The following PPP1R12A variants were observed in gnomAD, a reference collection of about 807,000 sequenced individuals.
The protein encoded by PPP1R12A is protein phosphatase 1 regulatory subunit 12A.
A neutral mutation model predicts 139.6 loss-of-function variants in PPP1R12A; 19 were observed. The observed-to-expected ratio is 0.14, with a 90% CI of 0.09 to 0.20. The LOEUF is 0.20. PPP1R12A is among the 10% of genes least tolerant of loss of function. The pLI, the probability that PPP1R12A is intolerant of heterozygous loss-of-function variation, is 1.00. For synonymous variants in PPP1R12A, 427 were observed against 420.6 expected (o/e 1.02, Z -0.19); for missense variants, 925 against 1,211.5 (o/e 0.76, Z 3.51).
At chr12:79,812,327 A>G (rs919823500) in intron 9 of PPP1R12A, among the ~76,000 whole-genome samples, 4 of 150,218 alleles carry the variant, frequency 2.7e-5, no homozygotes, top group African/African-American at 9.8e-5. Flanking sequence ...TTTACTGGAC[A>G]CTATCTTCAC....
chr12:79,882,500 TGAG>T (rs1883728778), intron 1 of PPP1R12A, among the ~76,000 whole-genome samples: 1 of 152,238 alleles, frequency 6.6e-6, no homozygotes, highest in African/African-American at 2.4e-5. Context: ...CTTGAATAGA[TGAG>T]GAGTTATTTC....
chr12:79,794,536 TAA>T (rs759281905), intron 18 of PPP1R12A, among the ~76,000 whole-genome samples: 1 of 151,380 alleles, frequency 6.6e-6, no homozygotes, highest in Non-Finnish European at 1.5e-5. Context: ...ACACTGCAAT[TAA>T]AAAAAAGTTC....
In PPP1R12A at chr12:79,807,305, T is replaced by G; in HGVS notation, c.1576A>C (p.Ser526Arg). Residue 526 changes from serine (S) to arginine (R), a missense_variant, in exon 12 of 25, where the codon AGT becomes CGT. This residue lies in a region of PPP1R12A where 403 missense variants were observed against 463.7 expected (regional missense o/e 0.87). Transcript: ENST00000450142. ...TCCCATTTTCTCCTTGTATATGAAC[T>G]ACTTGTTCGCAAACTTGAAGAATCT... ...NRDSSSLRTS[S>R]SYTRRKWEDD... The G allele has an allele frequency of 6.4e-7, 1 of 1,553,162 alleles. No individual in the cohort carries two copies. Among genetic ancestry groups the G allele is most frequent in the Non-Finnish European group, 8.7e-7 (1 of 1,147,076 alleles).
At chr12:79,879,183 C>T (rs1883393047) in intron 1 of PPP1R12A, among the ~76,000 whole-genome samples, 2 of 152,154 alleles carry the variant, frequency 1.3e-5, no homozygotes, top group South Asian at 4.2e-4. Flanking sequence ...AGTTCAAGAC[C>T]AGCCTGGCCA....
At chr12:79,793,571 A>T (rs1872148647) in intron 19 of PPP1R12A, among the ~76,000 whole-genome samples, 1 of 152,128 alleles carries the variant, frequency 6.6e-6, no homozygotes, top group South Asian at 2.1e-4. Flanking sequence ...ACATACATTA[A>T]ATTACATCCA....
intron 2 of PPP1R12A, among the ~76,000 whole-genome samples, chr12:79,868,600 T>C (rs1196348395): frequency 1.3e-5 from 2 of 152,166 alleles, no homozygotes; most frequent in Admixed American, 6.6e-5. Context: ...CTTCACATGG[T>C]TTCTTTCCTG....
At position 79,922,488 on chromosome 12, in the gene PPP1R12A, C is replaced by T. The variant is rs560544715; in HGVS notation, c.237+12207G>A. On this transcript the variant is annotated intron_variant, in intron 1 of 24. Transcript: ENST00000450142. The stretch of plus-strand genomic sequence containing the variant: ...CTGGATAAAGAAAATGTAGCACATA[C>T]ACACCATGGAATACAGTCATAAAAA... 1.6e-3 allele frequency among the ~76,000 whole-genome samples: 243 copies of T among 152,196 alleles called. 1 individual carries two copies. Among genetic ancestry groups the T allele is most frequent in the Non-Finnish European group, 3.0e-3 (206 of 68,018 alleles).
In PPP1R12A at chr12:79,806,285, T is replaced by C; in HGVS notation, c.1704A>G (p.Pro568=). 2 of 1,613,900 alleles carry C rather than the reference T, an allele frequency of 1.2e-6. No individual in the cohort carries two copies. Among genetic ancestry groups the C allele is most frequent in the South Asian group, 2.2e-5 (2 of 91,082 alleles). The part of the protein sequence containing the change: ...RQDDLISSSV[P]STTSTPTVTS... ...TAACTGTTGGTGTTGATGTGGTGCT[T>C]GGAACACTAGAACTAATCAAATCAT... The change falls in exon 13 of 25, where the codon CCA becomes CCG. Residue 568 remains proline (P), a synonymous_variant. Coordinates refer to ENST00000450142, the MANE Select transcript of PPP1R12A (RefSeq NM_002480.3).
At chr12:79,797,457 T>A (rs1872616778) in intron 15 of PPP1R12A, 62 bp from the exon 16 acceptor site, 1 of 1,411,542 alleles carries the variant, frequency 7.1e-7, no homozygotes, top group Admixed American at 2.7e-5. Flanking sequence ...CAAGGAATAT[T>A]TTAGAAATAG....
chr12:79,880,860 CAT>C (rs1883574692), intron 1 of PPP1R12A, among the ~76,000 whole-genome samples: 1 of 152,132 alleles, frequency 6.6e-6, no homozygotes, highest in African/African-American at 2.4e-5. Flanking sequence ...CTTTTCTAAA[CAT>C]GTGCTTACCT....
chr12:79,851,340 T>C (rs1396451718), intron 2 of PPP1R12A, among the ~76,000 whole-genome samples: 3 of 152,234 alleles, frequency 2.0e-5, no homozygotes, highest in African/African-American at 7.2e-5. Flanking sequence ...CCCATTTTCT[T>C]TTGAAAGTTC....
intron 23 of PPP1R12A, chr12:79,779,279 A>T: frequency 7.8e-7 from 1 of 1,280,306 alleles, no homozygotes; most frequent in Non-Finnish European, 1.0e-6. Context: ...GCAAAAAGCA[A>T]GCAGCAGTAA....
At chr12:79,846,439 G>GT (rs953318805) in intron 2 of PPP1R12A, among the ~76,000 whole-genome samples, 8 of 134,974 alleles carry the variant, frequency 5.9e-5, no homozygotes, top group Admixed American at 1.4e-4. Flanking sequence ...TTTTCTCTCT[G>GT]TTTTTTTTGA....
rs371955247 is a variant in PPP1R12A at position 79,806,165 on chromosome 12, C to T, written c.1823+1G>A. 5 of 1,613,620 alleles carry T rather than the reference C, an allele frequency of 3.1e-6. No homozygotes were observed. The highest frequency in any genetic ancestry group is 4.2e-6 in the Non-Finnish European group (5 of 1,179,614). On this transcript the variant is annotated splice_donor_variant, in intron 13 of 24. Transcript: ENST00000450142. LOFTEE classifies it high-confidence loss of function. ...GAGCACAAAATGTATCTGTGACTTA[C>T]CTGCTTTGTGTGCCTGCTGAGGAAG... is the stretch of plus-strand genomic sequence containing the variant.
chr12:79,787,642 G>C (rs1871287848), intron 21 of PPP1R12A: 1 of 152,364 alleles, frequency 6.6e-6, no homozygotes, highest in Admixed American at 6.5e-5. Context: ...CTCCCGAGTA[G>C]CTGGGATTAT....
intron 2 of PPP1R12A, among the ~76,000 whole-genome samples, chr12:79,860,407 T>C (rs1213999584): frequency 6.6e-6 from 1 of 152,168 alleles, no homozygotes; most frequent in Non-Finnish European, 1.5e-5. Context: ...TGATAAACTA[T>C]AATGAATACT....
chr12:79,838,623 G>T (rs753217810), intron 3 of PPP1R12A, among the ~76,000 whole-genome samples: 1 of 152,188 alleles, frequency 6.6e-6, no homozygotes, highest in Non-Finnish European at 1.5e-5. Context: ...AGCTACTCCA[G>T]CCCTAGCTAA....
At chr12:79,797,847 G>T (rs536095019) in intron 15 of PPP1R12A, among the ~76,000 whole-genome samples, 2 of 152,230 alleles carry the variant, frequency 1.3e-5, no homozygotes, top group African/African-American at 4.8e-5. Context: ...GACAGAAAAA[G>T]TATATTAAGG....
chr12:79,929,541 G>A (rs1005826248), intron 1 of PPP1R12A, among the ~76,000 whole-genome samples: 5 of 152,046 alleles, frequency 3.3e-5, no homozygotes, highest in South Asian at 4.2e-4. Context: ...CAAGACGGGC[G>A]GATCACTTGA....
Sources: allele counts gnomAD v4.1 joint callset (sites outside exome capture counted in the v4.1 genomes callset), GRCh38; gene constraint gnomAD v4.1.1; regional missense constraint gnomAD v4.1.1; transcripts MANE v1.5; gene names NCBI Gene and HGNC (gene_info 2026-07-23, HGNC 2026-07-21).